HSD17B11: variants seen among roughly 807,000 people sequenced by gnomAD.
HSD17B11 encodes estradiol 17-beta-dehydrogenase 11.
In HSD17B11, 22 loss-of-function variants were observed where a neutral mutation model predicts 27.8. That is an observed-to-expected ratio of 0.79 (90% CI 0.56 to 1.13). The LOEUF (loss-of-function observed/expected upper bound fraction) is 1.13. Among genes scored for constraint, HSD17B11 ranks in the 50% most tolerant of loss-of-function variants. The pLI is 0.00. For missense variants in HSD17B11, 314 were observed against 351.1 expected (o/e 0.89, Z 0.84); for synonymous variants, 117 against 132.8 (o/e 0.88, Z 0.82).
At chr4:87,381,852 A>G (rs949443517) in intron 2 of HSD17B11, among the ~76,000 whole-genome samples, 4 of 152,122 alleles carry the variant, frequency 2.6e-5, no homozygotes, top group Non-Finnish European at 4.4e-5. Context: ...TTCTAACCCA[A>G]TTCTATGAAT....
chr4:87,384,957 T>C (rs74460226), intron 1 of HSD17B11, among the ~76,000 whole-genome samples: 4,617 of 152,194 alleles, frequency 0.03, 240 homozygotes, highest in African/African-American at 0.11. Context: ...AGCGGCCCAG[T>C]TGTAAAATTT....
At chr4:87,343,704 C>T (rs62305728) in intron 5 of HSD17B11, among the ~76,000 whole-genome samples, 26,251 of 151,896 alleles carry the variant, frequency 0.17, 2,449 homozygotes, top group African/African-American at 0.23. Context: ...TGTGCCACCA[C>T]GCCTGGCTAA....
intron 2 of HSD17B11, among the ~76,000 whole-genome samples, chr4:87,378,941 T>TAAATATATATAA (rs1560769617): frequency 4.1e-5 from 1 of 24,488 alleles, no homozygotes; most frequent in Non-Finnish European, 6.9e-5. Context: ...TATATATATA[T>TAAATATATATAA]ATATATTTAT....
intron 3 of HSD17B11, chr4:87,374,468 C>T (rs1047213517): frequency 1.2e-5 from 4 of 329,860 alleles, no homozygotes; most frequent in Admixed American, 4.9e-5. Flanking sequence ...AAAACATATA[C>T]AACACCTGAC....
At chr4:87,372,934 A>G in intron 3 of HSD17B11, 119 bp from the exon 4 acceptor site, 1 of 639,126 alleles carries the variant, frequency 1.6e-6, no homozygotes, top group East Asian at 2.8e-5. Context: ...AATGAAAAAA[A>G]CAAACTAACT....
chr4:87,359,837 T>C (rs1055779517), intron 4 of HSD17B11, among the ~76,000 whole-genome samples: 6 of 152,150 alleles, frequency 3.9e-5, no homozygotes, highest in African/African-American at 1.4e-4. Context: ...GGTTTATATA[T>C]GATATATTCT....
At chr4:87,367,423 AG>A (rs1160654266) in intron 4 of HSD17B11, among the ~76,000 whole-genome samples, 2 of 152,236 alleles carry the variant, frequency 1.3e-5, no homozygotes, top group African/African-American at 4.8e-5. Context: ...TAGGTATTTA[AG>A]GGTACAAACC....
chr4:87,376,491 G>A (rs1191814678), intron 2 of HSD17B11, among the ~76,000 whole-genome samples: 2 of 112,318 alleles, frequency 1.8e-5, no homozygotes, highest in Non-Finnish European at 3.3e-5. Context: ...GGTGACAGAC[G>A]AGATTTCATC....
chr4:87,372,065 A>ACCC (rs1250081713), intron 4 of HSD17B11, among the ~76,000 whole-genome samples: 1 of 152,004 alleles, frequency 6.6e-6, no homozygotes, highest in Non-Finnish European at 1.5e-5. Context: ...ACACAGTGAA[A>ACCC]CCCCGTCTCT....
intron 1 of HSD17B11, among the ~76,000 whole-genome samples, chr4:87,385,064 T>C (rs371412977): frequency 6.6e-6 from 1 of 152,112 alleles, no homozygotes; most frequent in African/African-American, 2.4e-5. Context: ...TCCCACAATA[T>C]TTTTCTTTTA....
At chr4:87,378,821 T>TATATATATAA (rs1719998327) in intron 2 of HSD17B11, among the ~76,000 whole-genome samples, 1 of 40,468 alleles carries the variant, frequency 2.5e-5, no homozygotes, top group East Asian at 3.0e-4. Flanking sequence ...AAATATAAAA[T>TATATATATAA]ATATATATAA....
rs1297101498 is a variant in HSD17B11, at chr4:87,370,630, G to A, written c.557+2079C>T. 3.3e-5 allele frequency among the ~76,000 whole-genome samples: 5 copies of A among 151,482 alleles called. No homozygotes were observed. The East Asian group carries it at 9.7e-4, about 29-fold the overall frequency. Reference sequence around the variant, plus strand: ...GACAGGGTTTCACCATGTTGGCCAGGATGGTCTCAATCTCTTGACCTCGTG... The same window carrying A: ...GACAGGGTTTCACCATGTTGGCCAGAATGGTCTCAATCTCTTGACCTCGTG... On this transcript the variant is annotated intron_variant, in intron 4 of 6. Transcript: ENST00000358290.
chr4:87,391,099 G>GT lies in HSD17B11; in HGVS notation c.-30dup, dbSNP rs58297196. On this transcript the variant is annotated 5_prime_UTR_variant, in exon 1 of 7. Transcript: ENST00000358290. ...TTTTGTGGCTGCGAGCGTTTGGTGTGTTTTTTTTTTTTTTTACCACTCTAA... is the reference window on the plus strand; with the variant it reads ...TTTTGTGGCTGCGAGCGTTTGGTGTGTTTTTTTTTTTTTTTTACCACTCTAA... 112,867 of 1,249,748 alleles carry GT rather than the reference G, an allele frequency of 0.09. 29 individuals carry two copies. The highest frequency in any genetic ancestry group is 0.1 in the Non-Finnish European group (91,817 of 915,362). The allele number at this position is 1,249,748 out of a possible 1,614,324, so 77.4% of individuals were successfully genotyped here.
At chr4:87,363,755 T>C (rs1735565577) in intron 4 of HSD17B11, among the ~76,000 whole-genome samples, 1 of 152,212 alleles carries the variant, frequency 6.6e-6, no homozygotes, top group Non-Finnish European at 1.5e-5. Context: ...CCCAGACCTG[T>C]AGCTCAGTAG....
Position 87,357,949 on chromosome 4 carries a change from A to ATTTTTTTTTTTTTTTTTTTTT in HSD17B11, c.558-554_558-534dup, listed in dbSNP as rs57139706. 8.7e-5 allele frequency among the ~76,000 whole-genome samples: 7 copies of ATTTTTTTTTTTTTTTTTTTTT among 80,238 alleles called. 1 individual carries two copies. Among genetic ancestry groups the ATTTTTTTTTTTTTTTTTTTTT allele is most frequent in the Non-Finnish European group, 1.5e-4 (6 of 41,334 alleles). 52.6% of individuals were successfully genotyped at this position (80,238 alleles called of 152,430 possible). The stretch of plus-strand genomic sequence containing the variant: ...TTGTAACTGAACATTCATTAGAGAA[A>ATTTTTTTTTTTTTTTTTTTTT]TTTTTTTTTTTTTTTTTTTTTTTTT... On this transcript the variant is annotated intron_variant, in intron 4 of 6. Coordinates refer to ENST00000358290, the MANE Select transcript of HSD17B11 (RefSeq NM_016245.5).
intron 4 of HSD17B11, chr4:87,366,057 T>C (rs972842366): frequency 2.0e-5 from 3 of 152,242 alleles, no homozygotes; most frequent in Non-Finnish European, 2.9e-5. Context: ...GGTTTCTCCA[T>C]GTTGATCAGG....
chr4:87,355,853 G>A (rs1341501435), intron 5 of HSD17B11, among the ~76,000 whole-genome samples: 1 of 151,326 alleles, frequency 6.6e-6, no homozygotes, highest in African/African-American at 2.4e-5. Flanking sequence ...GCAGTGAGCC[G>A]AGATTGCGCC....
chr4:87,354,814 C>T lies in HSD17B11; in HGVS notation c.695+2465G>A, dbSNP rs149224644. Among the ~76,000 whole-genome samples, 108 of 151,806 alleles carry T rather than the reference C, an allele frequency of 7.1e-4. 1 individual carries two copies. The highest frequency in any genetic ancestry group is 9.4e-4 in the Non-Finnish European group (64 of 67,930). On this transcript the variant is annotated intron_variant, in intron 5 of 6. Coordinates refer to ENST00000358290, the MANE Select transcript of HSD17B11 (RefSeq NM_016245.5). ...GGAAGTTTGAGGGGGCAGAATAAAA[C>T]TTAAAAATTGAATCTTGGCTGGATG...
intron 2 of HSD17B11, among the ~76,000 whole-genome samples, chr4:87,381,779 GA>G (rs1338759780): frequency 6.8e-6 from 1 of 146,258 alleles, no homozygotes; most frequent in African/African-American, 2.5e-5. Flanking sequence ...AAAAAAAAGA[GA>G]AAAGAAAAGA....
Sources: gnomAD v4.1 joint callset for allele counts (sites outside exome capture counted in the v4.1 genomes callset) on GRCh38, gnomAD v4.1.1 for gene constraint, MANE v1.5 for transcripts, NCBI Gene and HGNC (gene_info 2026-07-23, HGNC 2026-07-21) for gene names.